SEC61A2: variants seen among roughly 807,000 people sequenced by gnomAD.
The protein encoded by SEC61A2 is SEC61 translocon subunit alpha 2.
SEC61A2 carries 28 observed loss-of-function variants against 59.9 expected under a neutral mutation model. That is an observed-to-expected ratio of 0.47 (90% CI 0.35 to 0.64). The LOEUF is 0.64. Ranked by LOEUF, SEC61A2 falls within the 30% of genes least tolerant of loss-of-function variation. The pLI, the probability that SEC61A2 is intolerant of heterozygous loss-of-function variation, is 0.01. For missense variants in SEC61A2, 340 were observed against 585.9 expected (o/e 0.58, Z 4.33); for synonymous variants, 202 against 214.4 (o/e 0.94, Z 0.50).
At chr10:12,167,949 C>T (rs1834747681), downstream of SEC61A2, 7 of 1,410,442 alleles carry the variant, frequency 5.0e-6, no homozygotes, top group Non-Finnish European at 5.5e-6. Flanking sequence ...TTTTTTTGGT[C>T]TATAAGGATC....
chr10:12,164,491 A>T lies in SEC61A2; in HGVS notation c.*37A>T, dbSNP rs537345440. On this transcript the variant is annotated 3_prime_UTR_variant, in exon 12 of 12. Transcript: ENST00000298428. This position sits in a 1 kb window ranked among gnomAD's most constrained non-coding sequence, Gnocchi z 7.3. The stretch of plus-strand genomic sequence containing the variant: ...TTTCATTTTGTGCGTGTGAAAGGGA[A>T]AACACTTTGACGGATCGTTTTTGTC... The T allele has an allele frequency of 3.8e-6, 6 of 1,597,940 alleles. No individual in the cohort carries two copies. The highest frequency in any genetic ancestry group is 2.2e-5 in the East Asian group (1 of 44,598).
intron 8 of SEC61A2, 135 bp downstream of exon 8, chr10:12,157,202 T>G (rs776981857): frequency 1.1e-4 from 84 of 786,932 alleles, no homozygotes; most frequent in Admixed American, 2.4e-4. Flanking sequence ...GCAATTAGAG[T>G]CTCCAGACTC....
chr10:12,164,643 CAA>C lies in SEC61A2; in HGVS notation c.*190_*191del. On this transcript the variant is annotated 3_prime_UTR_variant, in exon 12 of 12. Transcript: ENST00000298428. This position sits in a 1 kb window ranked among gnomAD's most constrained non-coding sequence, Gnocchi z 7.3. ...CATTAGTACCCGCTGCCTTAAAACT[CAA>C]GTTTACATTATTCATTAAAAAAAGT... 1.4e-6 allele frequency: 2 copies of C among 1,386,070 alleles called. No homozygotes were observed. The highest frequency in any genetic ancestry group is 1.9e-6 in the Non-Finnish European group (2 of 1,077,254). The allele number at this position is 1,386,070 out of a possible 1,614,324, so 85.9% of individuals were successfully genotyped here.
At chr10:12,134,786 C>T (rs543072168) in intron 2 of SEC61A2, among the ~76,000 whole-genome samples, 11 of 152,054 alleles carry the variant, frequency 7.2e-5, no homozygotes, top group African/African-American at 2.7e-4. Context: ...GGCGTGGTGG[C>T]GTGCGCCTGT....
chr10:12,146,055 T>C (rs1834130363), intron 4 of SEC61A2, among the ~76,000 whole-genome samples: 1 of 152,164 alleles, frequency 6.6e-6, no homozygotes, highest in African/African-American at 2.4e-5. Context: ...AATTTCGCTC[T>C]TGTTGCCCAG....
rs1300329543 is a variant in SEC61A2 at position 12,135,802 on chromosome 10, C to A, written c.76-303C>A. On this transcript the variant is annotated intron_variant, in intron 2 of 11. Transcript: ENST00000298428. ...TTGCTGCAAGGGACATGGTTTCATT[C>A]TTTTCATGGCTCAGAAGTATTTCAT... Among the ~76,000 whole-genome samples, 6 of 152,180 alleles carry A rather than the reference C, an allele frequency of 3.9e-5. No individual in the cohort carries two copies. The East Asian group carries it at 1.2e-3, about 29-fold the overall frequency.
rs894351206 is a variant in SEC61A2 at position 12,154,424 on chromosome 10, A to G, written c.463-1354A>G. 6.6e-6 allele frequency among the ~76,000 whole-genome samples: 1 copy of G among 152,188 alleles called. No individual in the cohort carries two copies. Among genetic ancestry groups the G allele is most frequent in the Non-Finnish European group, 1.5e-5 (1 of 68,036 alleles). Reference sequence around the variant, plus strand: ...GAGAGGTCATTTCTCAAGGCCCATCACGATGCTTTCTGTGGCTGATGTTCA... The same window carrying G: ...GAGAGGTCATTTCTCAAGGCCCATCGCGATGCTTTCTGTGGCTGATGTTCA... On this transcript the variant is annotated intron_variant, in intron 6 of 11. Coordinates refer to ENST00000298428, the MANE Select transcript of SEC61A2 (RefSeq NM_018144.4). The surrounding 1 kb of genome is among the most constrained non-coding windows in gnomAD (Gnocchi z 5.2).
At chr10:12,136,038 CT>C in intron 2 of SEC61A2, 66 bp from the exon 3 acceptor site, 1 of 1,000,938 alleles carries the variant, frequency 1.0e-6, no homozygotes, top group Non-Finnish European at 1.6e-6. Flanking sequence ...CCTCAAAACT[CT>C]GCTGCCCCCC....
Position 12,162,136 on chromosome 10 carries a change from C to T in SEC61A2, c.1168-77C>T. On this transcript the variant is annotated intron_variant, in intron 10 of 11. Transcript: ENST00000298428. This position sits in a 1 kb window ranked among gnomAD's most constrained non-coding sequence, Gnocchi z 6.1. ...ATGTTACGTGTTAGTGTGTGGCGAG[C>T]ACTTCGCATAGAACGTGGTAGATGT... The T allele has an allele frequency of 5.5e-6, 6 of 1,088,118 alleles. No individual in the cohort carries two copies. The Admixed American group carries it at 8.9e-5, about 16-fold the overall frequency. 67.4% of individuals were successfully genotyped at this position (1,088,118 alleles called of 1,614,324 possible). A position where few individuals can be genotyped will look rare whatever the true frequency, so the allele number is the denominator to read the frequency against.
chr10:12,146,970 C>T (rs1025876625), intron 4 of SEC61A2, among the ~76,000 whole-genome samples: 2 of 152,196 alleles, frequency 1.3e-5, no homozygotes, highest in Non-Finnish European at 1.5e-5. Context: ...CAGCTCACTG[C>T]AGCCTTGACC....
intron 1 of SEC61A2, among the ~76,000 whole-genome samples, chr10:12,131,840 G>A (rs1833747110): frequency 1.5e-5 from 2 of 132,596 alleles, no homozygotes; most frequent in African/African-American, 2.8e-5. Context: ...ACAGGGGCCC[G>A]CCACCACGCC....
At position 12,145,820 on chromosome 10, in the gene SEC61A2, T is replaced by C. The variant is rs1834125135; in HGVS notation, c.220+2625T>C. ...TAAATAAAGGAGAAAAATTAAGGAA[T>C]AGGAAATCACTGACTAGCTTAAACA... On this transcript the variant is annotated intron_variant, in intron 4 of 11. Coordinates refer to ENST00000298428, the MANE Select transcript of SEC61A2 (RefSeq NM_018144.4). This position sits in a 1 kb window ranked among gnomAD's most constrained non-coding sequence, Gnocchi z 4.4. Among the ~76,000 whole-genome samples, 1 of 152,084 alleles carries C rather than the reference T, an allele frequency of 6.6e-6. No homozygotes were observed. Among genetic ancestry groups the C allele is most frequent in the African/African-American group, 2.4e-5 (1 of 41,418 alleles).
upstream of SEC61A2, chr10:12,129,675 G>C (rs1833678606): frequency 4.6e-6 from 5 of 1,085,972 alleles, no homozygotes; most frequent in East Asian, 3.3e-5. This position sits in a 1 kb window ranked among gnomAD's most constrained non-coding sequence, Gnocchi z 5.6. Flanking sequence ...GGCGGAGCCT[G>C]CGCGGGGCCG....
At chr10:12,157,328 GTCTTT>G (rs985989759) in intron 8 of SEC61A2, among the ~76,000 whole-genome samples, 2 of 151,992 alleles carry the variant, frequency 1.3e-5, no homozygotes, top group African/African-American at 4.8e-5. Context: ...TGTTAGCATT[GTCTTT>G]TCTTTTCTTT....
rs756056084 is a variant in SEC61A2 at position 12,161,772 on chromosome 10, T to C, written c.1168-441T>C. Among the ~76,000 whole-genome samples the C allele has an allele frequency of 6.6e-6, 1 of 152,046 alleles. No individual in the cohort carries two copies. The highest frequency in any genetic ancestry group is 2.1e-4 in the South Asian group (1 of 4,830). ...AATAAATAAATAGATAAATAAAAAA[T>C]TTTTAAAAAAGTAAAATAAAACTTT... On this transcript the variant is annotated intron_variant, in intron 10 of 11. Transcript: ENST00000298428. This position sits in a 1 kb window ranked among gnomAD's most constrained non-coding sequence, Gnocchi z 5.4.
In SEC61A2 at chr10:12,158,781, T is replaced by C. The variant is rs115030833; in HGVS notation, c.975+676T>C. On this transcript the variant is annotated intron_variant, in intron 9 of 11. Transcript: ENST00000298428. The surrounding 1 kb of genome is among the most constrained non-coding windows in gnomAD (Gnocchi z 5.7). ...TTGCTGCTGCTAACATGTGAGATAC[T>C]GGACTCATCCTAACCTTTCCTATCT... Among the ~76,000 whole-genome samples the C allele has an allele frequency of 2.9e-4, 44 of 152,218 alleles. No individual in the cohort carries two copies. Among genetic ancestry groups the C allele is most frequent in the African/African-American group, 1.0e-3 (42 of 41,536 alleles).
chr10:12,136,875 C>T (rs1404365574), intron 3 of SEC61A2, among the ~76,000 whole-genome samples: 1 of 152,136 alleles, frequency 6.6e-6, no homozygotes, highest in African/African-American at 2.4e-5. Context: ...AGCTATCCAC[C>T]TTCTTCAGCC....
chr10:12,165,614 C>A (rs41291293), downstream of SEC61A2: 274 of 152,624 alleles, frequency 1.8e-3, 1 homozygote, highest in Admixed American at 6.1e-3. Context: ...CAACAATATC[C>A]CAGTCTCCAT....
At chr10:12,134,824 A>C (rs1254372486) in intron 2 of SEC61A2, among the ~76,000 whole-genome samples, 1 of 151,972 alleles carries the variant, frequency 6.6e-6, no homozygotes, top group East Asian at 1.9e-4. Flanking sequence ...AGGCTGAGGC[A>C]GGAGAATCGC....
Sources: allele counts gnomAD v4.1 joint callset (sites outside exome capture counted in the v4.1 genomes callset), GRCh38; gene constraint gnomAD v4.1.1; non-coding constraint Gnocchi (gnomAD v3.1); transcripts MANE v1.5; gene names NCBI Gene and HGNC (gene_info 2026-07-23, HGNC 2026-07-21).